Variants in FUS observed in about 807,000 individuals in gnomAD.
The protein encoded by FUS is RNA-binding protein FUS.
In FUS, 5 loss-of-function variants were observed where a neutral mutation model predicts 82.7. The ratio of observed to expected loss-of-function variants is 0.06; its 90% CI spans 0.03 to 0.13. FUS has a LOEUF of 0.13. FUS is among the 10% of genes least tolerant of loss of function. FUS has a pLI of 1.00. For missense variants in FUS, 512 were observed against 707.8 expected, an observed-to-expected ratio of 0.72 and a Z score of 3.14; for synonymous variants, 281 against 247.4, an observed-to-expected ratio of 1.14 and a Z score of -1.27.
At chr16:31,194,504 C>G (rs987247765), downstream of FUS, 12 of 499,566 alleles carry the variant, frequency 2.4e-5, no homozygotes, top group Non-Finnish European at 4.7e-5. Flanking sequence ...TGCCATGTTG[C>G]TCAGGCTGGT....
Position 31,189,241 on chromosome 16 carries a change from G to C in FUS, c.936+15G>C, listed in dbSNP as rs1401413327. ...GTATTATTAAGGTACTTGTGGAGAG[G>C]AGTGGGAGCTTTCTGTCAGTGTTGT... On this transcript the variant is annotated intron_variant, in intron 9 of 14. Coordinates refer to ENST00000254108, the MANE Select transcript of FUS (RefSeq NM_004960.4). The C allele has an allele frequency of 6.5e-7, 1 of 1,547,188 alleles. No homozygotes were observed. Among genetic ancestry groups the C allele is most frequent in the Admixed American group, 1.7e-5 (1 of 59,934 alleles).
intron 8 of FUS, 76 bp from the exon 9 acceptor site, chr16:31,189,047 A>G: frequency 9.4e-7 from 1 of 1,059,292 alleles, no homozygotes; most frequent in East Asian, 2.4e-5. Flanking sequence ...CTTGATGGAT[A>G]CTAGGTGCTT....
Position 31,189,656 on chromosome 16 carries a change from T to G in FUS, c.937-9T>G. The G allele has an allele frequency of 2.5e-6, 4 of 1,614,200 alleles. No homozygotes were observed. The highest frequency in any genetic ancestry group is 3.4e-6 in the Non-Finnish European group (4 of 1,180,028). ...TAAAATTGATGTTACCTCATTTTGC[T>G]TTCTTCAGACAAACAAGAAAACGGG... On this transcript the variant is annotated splice_polypyrimidine_tract_variant and intron_variant, in intron 9 of 14. Transcript: ENST00000254108.
At chr16:31,193,881 A>G (rs189787862), downstream of FUS, 950 of 528,044 alleles carry the variant, frequency 1.8e-3, 9 homozygotes, top group African/African-American at 0.016. Context: ...AACTGGCCTC[A>G]AGTGACCTGC....
chr16:31,193,650 T>C (rs575194236), downstream of FUS: 90 of 530,322 alleles, frequency 1.7e-4, 1 homozygote, highest in African/African-American at 1.4e-3. Context: ...GGTGACTGTT[T>C]AGTGGGTAGG....
intron 1 of FUS, 195 bp from the exon 2 acceptor site, chr16:31,182,203 C>G (rs1484393460): frequency 4.5e-6 from 3 of 662,802 alleles, no homozygotes; most frequent in Non-Finnish European, 8.2e-6. Context: ...GTTGGTCAGG[C>G]CAGTCTCGAA....
chr16:31,182,370 A>T (rs367648268), intron 1 of FUS, 28 bp from the exon 2 acceptor site: 290 of 1,613,496 alleles, frequency 1.8e-4, no homozygotes, highest in Non-Finnish European at 2.1e-4. Context: ...GCAGCTGAAG[A>T]TAATGTGATT....
chr16:31,181,526 G>T (rs2079177647), intron 1 of FUS, among the ~76,000 whole-genome samples: 1 of 152,176 alleles, frequency 6.6e-6, no homozygotes, highest in African/African-American at 2.4e-5. Context: ...TGGGGTCCAA[G>T]GGCTCTTTTG....
downstream of FUS, chr16:31,193,842 GT>G (rs1341251753): frequency 5.8e-6 from 3 of 521,198 alleles, no homozygotes; most frequent in Non-Finnish European, 1.1e-5. Flanking sequence ...AAGAAACAGG[GT>G]TTCACTGGGT....
chr16:31,184,657 A>T (rs373665042), intron 5 of FUS, among the ~76,000 whole-genome samples: 1 of 151,872 alleles, frequency 6.6e-6, no homozygotes, highest in South Asian at 2.1e-4. Context: ...GTTAGCCAGG[A>T]TGGTTTCGAT....
intron 5 of FUS, among the ~76,000 whole-genome samples, chr16:31,184,610 A>C (rs2079234624): frequency 6.6e-6 from 1 of 151,742 alleles, no homozygotes; most frequent in Non-Finnish European, 1.5e-5. Flanking sequence ...CGCCCGGCTA[A>C]TTTTTTGTAT....
chr16:31,187,205 T>A (rs1596902878), intron 7 of FUS: 1 of 390,174 alleles, frequency 2.6e-6, no homozygotes, highest in East Asian at 4.0e-5. Context: ...GATCGTTGTG[T>A]CCAAGGCTTG....
chr16:31,188,234 TTTTTC>T (rs1477530478), intron 7 of FUS, 86 bp from the exon 8 acceptor site: 2 of 1,379,734 alleles, frequency 1.4e-6, no homozygotes, highest in African/African-American at 2.9e-5. Flanking sequence ...GGTGTTAATT[TTTTTC>T]CTTGTCCGTT....
chr16:31,192,895 C>G (rs1437544877), downstream of FUS: 1 of 486,126 alleles, frequency 2.1e-6, no homozygotes. Context: ...TTCAAGTGTT[C>G]CACAAGTATG....
chr16:31,189,080 A>G lies in FUS; in HGVS notation c.833-43A>G, dbSNP rs77308300. 8.2e-4 allele frequency: 1,208 copies of G among 1,476,502 alleles called. 14 individuals carry two copies. The East Asian group carries it at 0.024, about 30-fold the overall frequency. 91.5% of individuals were successfully genotyped at this position (1,476,502 alleles called of 1,614,324 possible). On this transcript the variant is annotated intron_variant, in intron 8 of 14. Transcript: ENST00000254108. ...CTTTAGGTTTTTTCCTGTGTTTTTT[A>G]TTTTACCTTTTCACATTTGCATTTT...
intron 3 of FUS, 89 bp downstream of exon 3, chr16:31,182,753 G>T (rs781716946): frequency 6.5e-7 from 1 of 1,548,266 alleles, no homozygotes; most frequent in Non-Finnish European, 8.9e-7. Flanking sequence ...GTCTGGTCCT[G>T]TTGCCCAGGC....
At chr16:31,192,428 G>A (rs1308344913), downstream of FUS, 6 of 522,812 alleles carry the variant, frequency 1.1e-5, no homozygotes, top group East Asian at 2.1e-4. Flanking sequence ...TACACAGAGC[G>A]TAACATTAAC....
intron 1 of FUS, 187 bp from the exon 2 acceptor site, chr16:31,182,211 G>A (rs1469957015): frequency 1.5e-6 from 1 of 685,614 alleles, no homozygotes; most frequent in Middle Eastern, 2.4e-4. Flanking sequence ...GGCCAGTCTC[G>A]AATTCCTGAC....
downstream of FUS, chr16:31,191,749 G>A: frequency 1.6e-6 from 1 of 628,664 alleles, no homozygotes; most frequent in South Asian, 1.5e-5. Context: ...ATCCTTGAGA[G>A]CAGAGATTAA....
Sources: allele counts gnomAD v4.1 joint callset (sites outside exome capture counted in the v4.1 genomes callset), GRCh38; gene constraint gnomAD v4.1.1; transcripts MANE v1.5; gene names NCBI Gene and HGNC (gene_info 2026-07-23, HGNC 2026-07-21).